The following PCDH15 variants were observed in gnomAD, a reference collection of about 807,000 sequenced individuals.
PCDH15 encodes protocadherin-15.
In PCDH15, 129 loss-of-function variants were observed where a neutral mutation model predicts 178.5. That is an observed-to-expected ratio of 0.72 (90% confidence interval 0.63 to 0.84). PCDH15 has a LOEUF of 0.84. Among genes scored for constraint, PCDH15 ranks in the 40% least tolerant of loss-of-function variants. The pLI is 0.00. For synonymous variants in PCDH15, 800 were observed against 732.0 expected, an observed-to-expected ratio of 1.09 and a Z score of -1.50; for missense variants, 2,230 against 2,099.9, an observed-to-expected ratio of 1.06 and a Z score of -1.21.
chr10:54,405,660 A>G (rs1468126868), intron 3 of PCDH15, among the ~76,000 whole-genome samples: 1 of 151,878 alleles, frequency 6.6e-6, no homozygotes, highest in East Asian at 1.9e-4. Flanking sequence ...CATAACAAAC[A>G]TGGACATGTA....
intron 13 of PCDH15, among the ~76,000 whole-genome samples, chr10:54,170,788 T>C (rs954039322): frequency 2.6e-5 from 4 of 152,006 alleles, no homozygotes; most frequent in Admixed American, 6.6e-5. Flanking sequence ...CAAAGGCAGG[T>C]TATGCTATAG....
chr10:54,715,872 C>T (rs2095474246), intron 1 of PCDH15, among the ~76,000 whole-genome samples: 1 of 152,168 alleles, frequency 6.6e-6, no homozygotes, highest in Admixed American at 6.6e-5. Context: ...CACACATTCT[C>T]TTGGCTTAGG....
At chr10:55,226,359 G>GTTTTGTTTATGTTTTTGT (rs1841041045) in intron 1 of PCDH15, among the ~76,000 whole-genome samples, 1 of 151,466 alleles carries the variant, frequency 6.6e-6, no homozygotes, top group South Asian at 2.1e-4. Context: ...TTTTTGTTTT[G>GTTTTGTTTATGTTTTTGT]TTTTGTTTTT....
At chr10:54,513,661 T>A (rs2081933223) in intron 3 of PCDH15, among the ~76,000 whole-genome samples, 1 of 152,180 alleles carries the variant, frequency 6.6e-6, no homozygotes, top group Admixed American at 6.6e-5. Flanking sequence ...AGATTAATTA[T>A]GTTAAAAAAT....
At chr10:53,821,828 G>A (rs760250633) in intron 32 of PCDH15, 1 of 1,610,342 alleles carries the variant, frequency 6.2e-7, no homozygotes, top group South Asian at 1.1e-5. Context: ...TCAACAAGAG[G>A]TTTGCCCGAC....
In PCDH15 at chr10:55,009,512, C is replaced by T. The variant is rs117183253; in HGVS notation, c.-79-112012G>A. Among the ~76,000 whole-genome samples the T allele has an allele frequency of 4.0e-3, 605 of 152,076 alleles. 1 individual carries two copies. Among genetic ancestry groups the T allele is most frequent in the East Asian group, 0.034 (176 of 5,166 alleles). On this transcript the variant is annotated intron_variant, in intron 2 of 5. Coordinates refer to the PCDH15 transcript ENST00000458638. Reference sequence around the variant, plus strand: ...AGTTAGAGAAAATTCATAGAAGCCACCTTCTATTTCACTTATCGAGACTGT... The same window carrying T: ...AGTTAGAGAAAATTCATAGAAGCCATCTTCTATTTCACTTATCGAGACTGT...
At position 53,808,916 on chromosome 10, in the gene PCDH15, G is replaced by A. The variant is rs897176331; in HGVS notation, c.4671+1640C>T. ...TCTTCAGGGATATCTTGAGCTTCAG[G>A]GTCTGTACTTTCTTCCACAGGGGCT... is the stretch of plus-strand genomic sequence containing the variant. On this transcript the variant is annotated intron_variant, in intron 37 of 37. Transcript: ENST00000644397. 10 of 1,573,598 alleles carry A rather than the reference G, an allele frequency of 6.4e-6. No homozygotes were observed. Among genetic ancestry groups the A allele is most frequent in the East Asian group, 2.3e-5 (1 of 42,710 alleles).
chr10:54,470,627 T>C (rs2077847028), intron 3 of PCDH15, among the ~76,000 whole-genome samples: 2 of 152,248 alleles, frequency 1.3e-5, no homozygotes, highest in South Asian at 4.1e-4. Context: ...GTTGAAGGAC[T>C]CTACCATGGC....
chr10:54,412,379 A>G (rs555300901), intron 3 of PCDH15, among the ~76,000 whole-genome samples: 6 of 152,138 alleles, frequency 3.9e-5, no homozygotes, highest in South Asian at 4.1e-4. Context: ...GATGTTTCAC[A>G]AAAGAAGTTG....
chr10:54,059,998 T>C (rs1390541355), intron 18 of PCDH15, among the ~76,000 whole-genome samples: 2 of 152,240 alleles, frequency 1.3e-5, no homozygotes, highest in Non-Finnish European at 2.9e-5. Context: ...GCTGGACTTA[T>C]TTTAAGATGA....
intron 1 of PCDH15, among the ~76,000 whole-genome samples, chr10:55,216,039 CT>C (rs1840693205): frequency 6.6e-6 from 1 of 151,698 alleles, no homozygotes. Context: ...CATGTATTAT[CT>C]AGGGCAAATT....
chr10:54,499,768 G>C (rs1271411089), intron 3 of PCDH15, among the ~76,000 whole-genome samples: 3 of 151,848 alleles, frequency 2.0e-5, no homozygotes, highest in Non-Finnish European at 4.4e-5. Context: ...GAGGAAGTAG[G>C]AAAAAAAGAT....
At chr10:54,186,511 A>G (rs1479772750) in intron 11 of PCDH15, among the ~76,000 whole-genome samples, 1 of 150,732 alleles carries the variant, frequency 6.6e-6, no homozygotes, top group East Asian at 2.0e-4. Context: ...TAACCTTGAA[A>G]TAAATGGTTT....
intron 1 of PCDH15, among the ~76,000 whole-genome samples, chr10:55,229,557 G>A (rs1279543468): frequency 6.6e-6 from 1 of 151,916 alleles, no homozygotes; most frequent in African/African-American, 2.4e-5. Context: ...TGACTTTATT[G>A]ATGGTAATTT....
chr10:54,333,459 T>C (rs1940305564), intron 6 of PCDH15, among the ~76,000 whole-genome samples: 1 of 151,984 alleles, frequency 6.6e-6, no homozygotes, highest in Non-Finnish European at 1.5e-5. Context: ...TTGGTATCTT[T>C]ATGATAGTCT....
intron 6 of PCDH15, among the ~76,000 whole-genome samples, chr10:54,336,003 G>A (rs1365768099): frequency 2.0e-5 from 3 of 152,136 alleles, no homozygotes; most frequent in Non-Finnish European, 2.9e-5. Flanking sequence ...AGATGGAGAT[G>A]AGGATACTGG....
intron 1 of PCDH15, among the ~76,000 whole-genome samples, chr10:54,755,706 A>G (rs1946986988): frequency 6.6e-6 from 1 of 152,120 alleles, no homozygotes; most frequent in Non-Finnish European, 1.5e-5. Flanking sequence ...CTAACTGTGT[A>G]TTTTTCATTT....
intron 1 of PCDH15, among the ~76,000 whole-genome samples, chr10:55,249,497 C>T (rs1841777150): frequency 6.6e-6 from 1 of 151,900 alleles, no homozygotes; most frequent in African/African-American, 2.4e-5. Flanking sequence ...ATGTAGCCAA[C>T]CAAGAGTTAA....
chr10:55,426,768 A>G (rs1315678418), intron 2 of PCDH15, among the ~76,000 whole-genome samples: 1 of 152,146 alleles, frequency 6.6e-6, no homozygotes, highest in Non-Finnish European at 1.5e-5. Context: ...TGCCAATGGA[A>G]AGGGACCTGA....
Sources: gnomAD v4.1 joint callset for allele counts (sites outside exome capture counted in the v4.1 genomes callset) on GRCh38, gnomAD v4.1.1 for gene constraint, MANE v1.5 for transcripts, NCBI Gene and HGNC (gene_info 2026-07-23, HGNC 2026-07-21) for gene names.